The following POLA1 variants were observed in gnomAD, a reference collection of about 807,000 sequenced individuals.
The protein encoded by POLA1 is DNA polymerase alpha 1, catalytic subunit.
POLA1 carries 15 observed loss-of-function variants against 124.0 expected under a neutral mutation model. The ratio of observed to expected loss-of-function variants is 0.12; its 90% CI spans 0.08 to 0.19. The LOEUF is 0.19. Among genes scored for constraint, POLA1 ranks in the 10% least tolerant of loss-of-function variants. POLA1 has a pLI of 1.00. For missense variants in POLA1, 886 were observed against 1,103.4 expected, an observed-to-expected ratio of 0.80 and a Z score of 2.79; for synonymous variants, 408 against 389.4, an observed-to-expected ratio of 1.05 and a Z score of -0.56.
At chrX:24,715,310 G>T (rs1023877454) in intron 6 of POLA1, 107 bp downstream of exon 6, 88 of 512,644 alleles carry the variant, frequency 1.7e-4, no homozygotes, top group Non-Finnish European at 2.6e-4. Flanking sequence ...CTTTTTTTTT[G>T]AAACAGTAGC....
intron 31 of POLA1, among the ~76,000 whole-genome samples, chrX:24,824,733 T>TA (rs758012854): frequency 1.5e-3 from 170 of 111,171 alleles, no homozygotes; most frequent in Middle Eastern, 9.2e-3. Flanking sequence ...CCCTAAGAAA[T>TA]ATGTTTGTGT....
intron 1 of POLA1, among the ~76,000 whole-genome samples, chrX:24,698,253 AGT>A (rs1303757311): frequency 9.0e-6 from 1 of 111,616 alleles, no homozygotes; most frequent in Non-Finnish European, 1.9e-5. Context: ...AATTTTTTTC[AGT>A]GTGTGTGTGG....
chrX:24,834,837 A>G (rs2046320428), intron 32 of POLA1, among the ~76,000 whole-genome samples: 1 of 110,751 alleles, frequency 9.0e-6, no homozygotes, highest in Non-Finnish European at 1.9e-5. Flanking sequence ...TATATTATAT[A>G]TATATATATG....
At chrX:24,794,842 A>C (rs1311429900) in intron 26 of POLA1, among the ~76,000 whole-genome samples, 1 of 110,497 alleles carries the variant, frequency 9.1e-6, no homozygotes, top group Non-Finnish European at 1.9e-5. Flanking sequence ...TTAGTTTCTC[A>C]AAAGGGTGTC....
chrX:24,906,958 C>T (rs1337745798), intron 35 of POLA1, among the ~76,000 whole-genome samples: 1 of 111,137 alleles, frequency 9.0e-6, no homozygotes, highest in Non-Finnish European at 1.9e-5. Context: ...GAGGCCGAGC[C>T]GGACAGTTCA....
At chrX:24,699,140 C>G (rs755678599) in intron 1 of POLA1, among the ~76,000 whole-genome samples, 1 of 111,812 alleles carries the variant, frequency 8.9e-6, no homozygotes, top group African/African-American at 3.3e-5. Flanking sequence ...TTAGTGTCTC[C>G]GCAGGATATC....
intron 23 of POLA1, among the ~76,000 whole-genome samples, chrX:24,744,245 A>G (rs1307512350): frequency 8.9e-6 from 1 of 112,386 alleles, no homozygotes; most frequent in Non-Finnish European, 1.9e-5. Context: ...GAGCAGTAGT[A>G]CTTGGTGTTA....
chrX:24,806,566 G>A, intron 26 of POLA1, among the ~76,000 whole-genome samples: 1 of 111,484 alleles, frequency 9.0e-6, no homozygotes. Context: ...CTGTGGTGAG[G>A]ACCTTGAACC....
chrX:24,826,459 C>G lies in POLA1; in HGVS notation c.3594C>G (p.Ala1198=). 1 of 1,206,371 alleles carries G rather than the reference C, an allele frequency of 8.3e-7. No homozygotes were observed. Residue 1198 remains alanine, a synonymous_variant, in exon 32 of 37, where the codon GCC becomes GCG. Transcript: ENST00000379068. ...CAAACCTCACTGCAAGTCAGAGGGC[C>G]TATGCGCCTGAGCAGCTGCAGAAAC... ...DGSNLTASQR[A]YAPEQLQKQD...
At chrX:24,919,810 T>G (rs1337403679) in intron 35 of POLA1, among the ~76,000 whole-genome samples, 1 of 96,564 alleles carries the variant, frequency 1.0e-5, no homozygotes, top group Non-Finnish European at 2.0e-5. Flanking sequence ...TTTTTTTTGT[T>G]TTTTTTTTTG....
chrX:24,897,357 G>GC (rs10600697), intron 35 of POLA1, among the ~76,000 whole-genome samples: 10 of 74,963 alleles, frequency 1.3e-4, no homozygotes, highest in South Asian at 9.0e-4. Context: ...TCTCTTCACT[G>GC]CCCCCCCCCC....
chrX:24,931,396 G>A (rs919105027), intron 36 of POLA1, among the ~76,000 whole-genome samples: 9 of 111,625 alleles, frequency 8.1e-5, no homozygotes, highest in African/African-American at 1.3e-4. Context: ...AGATTTCCCC[G>A]CATAAGAATC....
chrX:24,931,789 G>A (rs1451108819), intron 36 of POLA1, among the ~76,000 whole-genome samples: 2 of 112,445 alleles, frequency 1.8e-5, no homozygotes, highest in African/African-American at 6.5e-5. Flanking sequence ...CTTTCCTAAA[G>A]ACAGTTATGA....
At chrX:24,970,928 A>G (rs1387150055) in intron 36 of POLA1, among the ~76,000 whole-genome samples, 2 of 112,357 alleles carry the variant, frequency 1.8e-5, no homozygotes, top group South Asian at 3.7e-4. Context: ...TCAAAAACAC[A>G]AGAAACGAGG....
At chrX:24,749,094 T>A (rs1932177995) in intron 26 of POLA1, 102 bp downstream of exon 26, 1 of 586,338 alleles carries the variant, frequency 1.7e-6, no homozygotes, top group Non-Finnish European at 2.8e-6. Context: ...TTGTACAGCA[T>A]CAAATACAGT....
intron 10 of POLA1, 120 bp from the exon 11 acceptor site, chrX:24,723,035 C>A: frequency 1.9e-6 from 1 of 523,829 alleles, no homozygotes; most frequent in Non-Finnish European, 3.4e-6. Flanking sequence ...TATTTGCTGT[C>A]AAAATGAGTT....
At chrX:24,708,964 G>A (rs1929036794) in intron 4 of POLA1, among the ~76,000 whole-genome samples, 1 of 78,041 alleles carries the variant, frequency 1.3e-5, no homozygotes, top group South Asian at 7.4e-4. Context: ...AGGGGCGGCC[G>A]GGCAGAGGCG....
chrX:24,701,391 A>T (rs1928406360), intron 2 of POLA1, among the ~76,000 whole-genome samples: 2 of 108,941 alleles, frequency 1.8e-5, no homozygotes, highest in East Asian at 5.8e-4. Flanking sequence ...AACTCTTCAG[A>T]TGGAGTTGTT....
intron 35 of POLA1, among the ~76,000 whole-genome samples, chrX:24,913,073 T>C (rs2047473049): frequency 1.8e-5 from 2 of 112,412 alleles, no homozygotes; most frequent in African/African-American, 6.5e-5. Context: ...TGAATGTTTA[T>C]AGTAGCTGAA....
Sources: gnomAD v4.1 joint callset for allele counts (sites outside exome capture counted in the v4.1 genomes callset) on GRCh38, gnomAD v4.1.1 for gene constraint, MANE v1.5 for transcripts, NCBI Gene and HGNC (gene_info 2026-07-23, HGNC 2026-07-21) for gene names.